Variants in ACTN2 observed in about 807,000 individuals in gnomAD.
ACTN2 encodes the protein alpha-actinin-2.
A neutral mutation model predicts 113.8 loss-of-function variants in ACTN2; 39 were observed. That is an observed-to-expected ratio of 0.34 (90% CI 0.27 to 0.45). The LOEUF (loss-of-function observed/expected upper bound fraction) is 0.45. ACTN2 is among the 20% of genes least tolerant of loss of function. The probability of loss-of-function intolerance (pLI) is 1.00; values close to 1 mark genes in which losing one functional copy is unlikely to be tolerated. For synonymous variants in ACTN2, 429 were observed against 444.1 expected (o/e 0.97, Z 0.43); for missense variants, 992 against 1,177.9 (o/e 0.84, Z 2.31).
At chr1:236,725,768 T>G (rs756641381) in intron 4 of ACTN2, among the ~76,000 whole-genome samples, 165 bp from the exon 5 acceptor site, 69 of 152,170 alleles carry the variant, frequency 4.5e-4, no homozygotes, top group Admixed American at 5.2e-4. Context: ...TCATCAGAAT[T>G]TACTCACCAA....
chr1:236,747,801 C>T lies in ACTN2; in HGVS notation c.1515+26C>T, dbSNP rs756613329. 7.2e-6 allele frequency: 11 copies of T among 1,533,996 alleles called. No homozygotes were observed. The Admixed American group carries it at 1.9e-4, about 26-fold the overall frequency. On this transcript the variant is annotated intron_variant, in intron 13 of 20. Transcript: ENST00000366578. ...GTGAAGTATTGAAGCCACTTGTTGA[C>T]ATGAAATCTTTTAATAGAAGCTCTT...
intron 12 of ACTN2, 143 bp downstream of exon 12, chr1:236,744,919 T>A: frequency 8.9e-7 from 1 of 1,117,838 alleles, no homozygotes; most frequent in Non-Finnish European, 1.3e-6. Context: ...CTTGTTTCTT[T>A]AAATGTAGAA....
chr1:236,757,540 G>A lies in ACTN2; in HGVS notation c.2209G>A (p.Glu737Lys), dbSNP rs778656550. The A allele has an allele frequency of 1.2e-6, 2 of 1,614,150 alleles. No individual in the cohort carries two copies. The highest frequency in any genetic ancestry group is 1.7e-5 in the Admixed American group (1 of 60,006). ...GACAACCATCGCCAGAACCATCAAT[G>A]AGGTGGAGACTCAGATCCTGACGAG... ...LLTTIARTINEVETQILTRDA... is the reference protein window; with the variant it reads ...LLTTIARTINKVETQILTRDA... The change falls in exon 18 of 21, where the codon GAG becomes AAG. Residue 737 changes from glutamate to lysine, a missense_variant. This residue lies in a region of ACTN2 where 736 missense variants were observed against 815.4 expected (regional missense o/e 0.90). Transcript: ENST00000366578.
chr1:236,717,432 C>T (rs1450670895), intron 1 of ACTN2, among the ~76,000 whole-genome samples: 1 of 152,050 alleles, frequency 6.6e-6, no homozygotes, highest in Non-Finnish European at 1.5e-5. Flanking sequence ...GCTGGATGAC[C>T]CTGTCTCCAA....
Position 236,686,587 on chromosome 1 carries a change from G to C in ACTN2, c.-87G>C. Reference sequence around the variant, plus strand: ...GGTCACCCCGCGCCCGCCGCCCGCCGCCCGCCGCCTCCGTGGGTCCGTTTG... The same window carrying C: ...GGTCACCCCGCGCCCGCCGCCCGCCCCCCGCCGCCTCCGTGGGTCCGTTTG... On this transcript the variant is annotated 5_prime_UTR_variant, in exon 1 of 21. Coordinates refer to ENST00000366578, the MANE Select transcript of ACTN2 (RefSeq NM_001103.4). The C allele has an allele frequency of 7.2e-7, 1 of 1,379,736 alleles. No individual in the cohort carries two copies. The highest frequency in any genetic ancestry group is 3.7e-5 in the Admixed American group (1 of 27,300). 85.5% of individuals were successfully genotyped at this position (1,379,736 alleles called of 1,614,324 possible).
At chr1:236,712,781 G>A (rs756390308) in intron 1 of ACTN2, among the ~76,000 whole-genome samples, 3 of 152,152 alleles carry the variant, frequency 2.0e-5, no homozygotes, top group Non-Finnish European at 4.4e-5. Flanking sequence ...TGCTTCTGAT[G>A]CCTGTATTAT....
intron 1 of ACTN2, among the ~76,000 whole-genome samples, chr1:236,697,431 C>T (rs1172152200): frequency 6.6e-6 from 1 of 152,160 alleles, no homozygotes; most frequent in Non-Finnish European, 1.5e-5. Context: ...TATGCAATGG[C>T]TGCAACTCTG....
intron 1 of ACTN2, among the ~76,000 whole-genome samples, chr1:236,704,508 T>A (rs1638976589): frequency 6.6e-6 from 1 of 152,176 alleles, no homozygotes; most frequent in Non-Finnish European, 1.5e-5. Flanking sequence ...AGTCCAGGCC[T>A]CCAGAACTAA....
Position 236,749,163 on chromosome 1 carries a change from C to G in ACTN2, c.1555C>G (p.Leu519Val). 1 of 1,614,136 alleles carries G rather than the reference C, an allele frequency of 6.2e-7. No individual in the cohort carries two copies. Among genetic ancestry groups the G allele is most frequent in the Non-Finnish European group, 8.5e-7 (1 of 1,180,042 alleles). Reference sequence around the variant, plus strand: ...GCTAGAAACCATTGATCAGCTTCACCTGGAGTTTGCCAAGAGGGCTGCTCC... The same window carrying G: ...GCTAGAAACCATTGATCAGCTTCACGTGGAGTTTGCCAAGAGGGCTGCTCC... ...KLLETIDQLH[L>V]EFAKRAAPFN... The change falls in exon 14 of 21, where the codon CTG becomes GTG. Residue 519 changes from leucine (L) to valine (V), a missense_variant. Leu to Val is a conservative substitution (Grantham distance 32). Transcript: ENST00000366578.
chr1:236,755,962 C>A (rs879345801), intron 17 of ACTN2, among the ~76,000 whole-genome samples: 3 of 27,996 alleles, frequency 1.1e-4, no homozygotes, highest in Admixed American at 4.8e-4. Context: ...CGTTAGAACC[C>A]TGGTAATAGA....
intron 2 of ACTN2, 77 bp from the exon 3 acceptor site, chr1:236,718,817 G>A: frequency 6.3e-7 from 1 of 1,599,780 alleles, no homozygotes. Flanking sequence ...AAAGATGGAT[G>A]CTTAGTTTTG....
intron 2 of ACTN2, 89 bp from the exon 3 acceptor site, chr1:236,718,805 G>T (rs999426627): frequency 1.3e-6 from 2 of 1,586,372 alleles, no homozygotes; most frequent in African/African-American, 2.7e-5. Context: ...TCTTTTTAAG[G>T]AAAAGATGGA....
chr1:236,725,994 T>C lies in ACTN2; in HGVS notation c.510T>C (p.Asn170=), dbSNP rs1572120135. 6.2e-7 allele frequency: 1 copy of C among 1,614,146 alleles called. No individual in the cohort carries two copies. Among genetic ancestry groups the C allele is most frequent in the Non-Finnish European group, 8.5e-7 (1 of 1,180,010 alleles). Residue 170 remains asparagine (N), a synonymous_variant, in exon 5 of 21, where the codon AAT becomes AAC. Transcript: ENST00000366578. ...WCQRKTAPYR[N]VNIQNFHTSW... ...AGAGGAAAACTGCTCCTTATAGAAATGTGAACATTCAGAACTTCCATACTA... is the reference window on the plus strand; with the variant it reads ...AGAGGAAAACTGCTCCTTATAGAAACGTGAACATTCAGAACTTCCATACTA...
At chr1:236,727,796 G>T (rs748823703) in intron 6 of ACTN2, 40 bp downstream of exon 6, 1 of 1,592,904 alleles carries the variant, frequency 6.3e-7, no homozygotes, top group African/African-American at 1.3e-5. Context: ...CCCCAGCCAC[G>T]CGTCTCAGCA....
intron 7 of ACTN2, 102 bp downstream of exon 7, chr1:236,731,416 C>A: frequency 1.1e-6 from 1 of 904,322 alleles, no homozygotes; most frequent in Non-Finnish European, 1.8e-6. Context: ...GAAGTTACAT[C>A]CGAAGTACTT....
chr1:236,760,948 A>G, intron 19 of ACTN2, 67 bp from the exon 20 acceptor site: 2 of 1,599,996 alleles, frequency 1.3e-6, no homozygotes, highest in South Asian at 2.2e-5. Flanking sequence ...CCAGGGAAAG[A>G]ATGAAAACGG....
At chr1:236,731,612 A>T (rs12723093) in intron 7 of ACTN2, among the ~76,000 whole-genome samples, 319 of 152,364 alleles carry the variant, frequency 2.1e-3, no homozygotes, top group Middle Eastern at 0.014. Context: ...AATTTTAAAA[A>T]AACATTTCCT....
Position 236,701,560 on chromosome 1 carries a change from T to G in ACTN2, c.126+14761T>G, listed in dbSNP as rs190414865. On this transcript the variant is annotated intron_variant, in intron 1 of 20. Transcript: ENST00000366578. Reference sequence around the variant, plus strand: ...TCTGAAACGGGGTTGACTGTTATACTTTTGGTTTTGTATTATATGCTATGT... The same window carrying G: ...TCTGAAACGGGGTTGACTGTTATACGTTTGGTTTTGTATTATATGCTATGT... 5.2e-3 allele frequency among the ~76,000 whole-genome samples: 797 copies of G among 152,326 alleles called. 7 individuals are homozygous for G. The highest frequency in any genetic ancestry group is 0.018 in the African/African-American group (765 of 41,570).
At chr1:236,759,687 T>G in intron 18 of ACTN2, 37 bp from the exon 19 acceptor site, 1 of 1,590,570 alleles carries the variant, frequency 6.3e-7, no homozygotes, top group Non-Finnish European at 8.6e-7. Flanking sequence ...CATCTTGCCC[T>G]GTGCTCACCT....
Sources: allele counts gnomAD v4.1 joint callset (sites outside exome capture counted in the v4.1 genomes callset), GRCh38; gene constraint gnomAD v4.1.1; regional missense constraint gnomAD v4.1.1; transcripts MANE v1.5; gene names NCBI Gene and HGNC (gene_info 2026-07-23, HGNC 2026-07-21).